Variants in MIR2052HG observed in about 807,000 individuals in gnomAD.
The protein encoded by MIR2052HG is MIR2052 host gene.
intron 4 of MIR2052HG, among the ~76,000 whole-genome samples, chr8:74,718,337 C>G (rs1809541478): frequency 6.6e-6 from 1 of 151,906 alleles, no homozygotes; most frequent in African/African-American, 2.4e-5. Flanking sequence ...ATTCTCATCT[C>G]AATGTAAGCA....
At chr8:74,629,773 A>G (rs920507516) in intron 2 of MIR2052HG, among the ~76,000 whole-genome samples, 2 of 152,110 alleles carry the variant, frequency 1.3e-5, no homozygotes, top group Non-Finnish European at 2.9e-5. Flanking sequence ...AATAATAAAT[A>G]TATCAATGGT....
At position 74,643,520 on chromosome 8, in the gene MIR2052HG, A is replaced by G. The variant is rs148339924; in HGVS notation, n.216+30580A>G. Reference sequence around the variant, plus strand: ...GGTTTTACCTTTCAGCCCTTTCTCTAAGTCTGTCAGCTAACAAAATGCCTG... The same window carrying G: ...GGTTTTACCTTTCAGCCCTTTCTCTGAGTCTGTCAGCTAACAAAATGCCTG... On this transcript the variant is annotated intron_variant and non_coding_transcript_variant, in intron 2 of 6. Transcript: ENST00000523442. Among the ~76,000 whole-genome samples the G allele has an allele frequency of 5.5e-4, 83 of 152,276 alleles. No homozygotes were observed. The Middle Eastern group carries it at 0.01, about 19-fold the overall frequency.
At chr8:74,618,481 T>G (rs1157833200) in intron 2 of MIR2052HG, among the ~76,000 whole-genome samples, 1 of 152,156 alleles carries the variant, frequency 6.6e-6, no homozygotes, top group African/African-American at 2.4e-5. Flanking sequence ...GGGAGGGGGC[T>G]TATAGTACAT....
intron 2 of MIR2052HG, among the ~76,000 whole-genome samples, chr8:74,670,331 G>C (rs562697014): frequency 6.6e-6 from 1 of 152,014 alleles, no homozygotes; most frequent in African/African-American, 2.4e-5. Flanking sequence ...ATTTAAGTTA[G>C]AGGTAAAAGA....
chr8:74,700,109 G>T (rs1437125615), intron 2 of MIR2052HG, among the ~76,000 whole-genome samples: 2 of 152,068 alleles, frequency 1.3e-5, no homozygotes, highest in African/African-American at 2.4e-5. Flanking sequence ...GATATGAGAT[G>T]GTTTTTAAAC....
At chr8:74,717,261 G>A (rs779429189) in intron 4 of MIR2052HG, among the ~76,000 whole-genome samples, 7 of 151,976 alleles carry the variant, frequency 4.6e-5, no homozygotes, top group Non-Finnish European at 1.0e-4. Context: ...GTGGTGTGTG[G>A]TTTTCTGTTC....
intron 2 of MIR2052HG, among the ~76,000 whole-genome samples, chr8:74,634,003 G>A (rs1808551344): frequency 6.6e-6 from 1 of 152,202 alleles, no homozygotes. Context: ...TAAATTAATA[G>A]TTTCTTTCCT....
chr8:74,678,301 G>A (rs994644808), intron 2 of MIR2052HG, among the ~76,000 whole-genome samples: 1 of 152,186 alleles, frequency 6.6e-6, no homozygotes, highest in African/African-American at 2.4e-5. Context: ...GCTCAGGCCT[G>A]TAATTCTAGC....
intron 2 of MIR2052HG, among the ~76,000 whole-genome samples, chr8:74,640,498 G>T (rs1834449): frequency 1.4e-5 from 2 of 147,498 alleles, no homozygotes; most frequent in Admixed American, 6.8e-5. Flanking sequence ...AAGAGTGGGC[G>T]CTGATGCTCT....
At chr8:74,676,626 T>C (rs1809055823) in intron 2 of MIR2052HG, among the ~76,000 whole-genome samples, 1 of 151,860 alleles carries the variant, frequency 6.6e-6, no homozygotes, top group Admixed American at 6.6e-5. Context: ...AATTCAGATA[T>C]GTCAGTAGTC....
chr8:74,661,304 G>A (rs1424200999), intron 2 of MIR2052HG, among the ~76,000 whole-genome samples: 1 of 151,048 alleles, frequency 6.6e-6, no homozygotes, highest in Non-Finnish European at 1.5e-5. Flanking sequence ...CCAGGTTCAA[G>A]CGATTCTCCT....
intron 2 of MIR2052HG, among the ~76,000 whole-genome samples, chr8:74,613,510 A>C (rs2128731635): frequency 6.6e-6 from 1 of 152,146 alleles, no homozygotes; most frequent in Admixed American, 6.5e-5. Flanking sequence ...CCCGAGACAG[A>C]GTCTCGCTGT....
At chr8:74,664,551 C>T (rs1420745967) in intron 2 of MIR2052HG, among the ~76,000 whole-genome samples, 1 of 152,000 alleles carries the variant, frequency 6.6e-6, no homozygotes, top group African/African-American at 2.4e-5. Flanking sequence ...GAATTTTGCT[C>T]TTGTTGCCCA....
chr8:74,604,195 C>A (rs1178207283), intron 1 of MIR2052HG: 3 of 893,478 alleles, frequency 3.4e-6, no homozygotes, highest in South Asian at 1.3e-5. Context: ...CATAAGTAGT[C>A]GGATGGTGAG....
chr8:74,730,619 T>C (rs1809681612), intron 4 of MIR2052HG, among the ~76,000 whole-genome samples: 1 of 152,118 alleles, frequency 6.6e-6, no homozygotes, highest in Non-Finnish European at 1.5e-5. Flanking sequence ...TCAATGTTAG[T>C]GTGTGGGTAG....
At chr8:74,753,647 C>T (rs1809971262) in intron 5 of MIR2052HG, among the ~76,000 whole-genome samples, 1 of 152,124 alleles carries the variant, frequency 6.6e-6, no homozygotes. Context: ...CTTCTTACCC[C>T]CAGGACTACC....
intron 4 of MIR2052HG, among the ~76,000 whole-genome samples, chr8:74,705,938 A>T (rs1809406427): frequency 2.6e-5 from 4 of 152,254 alleles, no homozygotes; most frequent in Admixed American, 2.6e-4. Context: ...TACAACTAAG[A>T]TATCATTAGA....
In MIR2052HG at chr8:74,605,869, A is replaced by G. The variant is rs1448491353; in HGVS notation, n.128+5961A>G. Reference sequence around the variant, plus strand: ...ACTGTTTAAATAAATTATAGTATCAATGTATTATTGTTGTACCTTAGCGAG... The same window carrying G: ...ACTGTTTAAATAAATTATAGTATCAGTGTATTATTGTTGTACCTTAGCGAG... On this transcript the variant is annotated intron_variant and non_coding_transcript_variant, in intron 1 of 6. Transcript: ENST00000523442. 2.0e-5 allele frequency among the ~76,000 whole-genome samples: 3 copies of G among 152,320 alleles called. No homozygotes were observed. The South Asian group carries it at 6.2e-4, about 32-fold the overall frequency.
intron 5 of MIR2052HG, among the ~76,000 whole-genome samples, chr8:74,755,987 A>G (rs187265943): frequency 2.8e-4 from 42 of 152,272 alleles, no homozygotes; most frequent in African/African-American, 9.1e-4. Context: ...GGTCTCCGAC[A>G]AGGCTGCTCT....
Sources: gnomAD v4.1 joint callset for allele counts (sites outside exome capture counted in the v4.1 genomes callset) on GRCh38, gnomAD v4.1.1 for gene constraint, MANE v1.5 for transcripts, NCBI Gene and HGNC (gene_info 2026-07-23, HGNC 2026-07-21) for gene names.